Variants in GRID2 observed in about 807,000 individuals in gnomAD.
GRID2 encodes glutamate receptor ionotropic, delta-2.
Under a neutral mutation model 114.8 loss-of-function variants are expected in GRID2, and 33 were observed. The ratio of observed to expected loss-of-function variants is 0.29; its 90% CI spans 0.22 to 0.38. GRID2 has a LOEUF of 0.38. Ranked by LOEUF, GRID2 falls within the 10% of genes least tolerant of loss-of-function variation. The probability of loss-of-function intolerance (pLI) is 1.00; values close to 1 mark genes in which losing one functional copy is unlikely to be tolerated. For missense variants in GRID2, 1,184 were observed against 1,257.7 expected, an observed-to-expected ratio of 0.94 and a Z score of 0.89; for synonymous variants, 505 against 449.9, an observed-to-expected ratio of 1.12 and a Z score of -1.55.
intron 5 of GRID2, among the ~76,000 whole-genome samples, chr4:93,212,295 G>C (rs980259684): frequency 1.3e-5 from 2 of 152,066 alleles, no homozygotes; most frequent in Non-Finnish European, 2.9e-5. Context: ...AATCAAAGTT[G>C]GCATTGTGCA....
At chr4:92,957,630 A>C (rs1375808502) in intron 2 of GRID2, among the ~76,000 whole-genome samples, 1 of 151,850 alleles carries the variant, frequency 6.6e-6, no homozygotes, top group Non-Finnish European at 1.5e-5. Flanking sequence ...TGTGCTAGCT[A>C]TACTGAATAT....
intron 1 of GRID2, among the ~76,000 whole-genome samples, chr4:93,792,365 C>T (rs1038710226): frequency 2.0e-5 from 3 of 152,086 alleles, no homozygotes; most frequent in African/African-American, 7.2e-5. Context: ...CACACCTAGC[C>T]CTCTCTTATG....
chr4:93,585,344 A>G (rs1445941036), intron 13 of GRID2, among the ~76,000 whole-genome samples: 1 of 152,122 alleles, frequency 6.6e-6, no homozygotes, highest in Admixed American at 6.6e-5. Context: ...AGCAAGTGGA[A>G]AGTTTGCTCA....
intron 8 of GRID2, among the ~76,000 whole-genome samples, chr4:93,255,465 A>T (rs1372710119): frequency 6.6e-6 from 1 of 152,020 alleles, no homozygotes; most frequent in African/African-American, 2.4e-5. Context: ...TGTGTTTGCT[A>T]TGATGTGGAT....
chr4:92,994,947 G>A (rs1244295898), intron 2 of GRID2, among the ~76,000 whole-genome samples: 1 of 152,236 alleles, frequency 6.6e-6, no homozygotes, highest in East Asian at 1.9e-4. Flanking sequence ...CACAGTGGGA[G>A]TATTTACACT....
At chr4:92,659,907 G>T (rs986651513) in intron 2 of GRID2, among the ~76,000 whole-genome samples, 4 of 151,308 alleles carry the variant, frequency 2.6e-5, no homozygotes, top group Non-Finnish European at 5.9e-5. Context: ...CTCGGATAAC[G>T]TGCAATAAAA....
intron 8 of GRID2, among the ~76,000 whole-genome samples, chr4:93,288,432 G>T (rs1245904174): frequency 6.6e-6 from 1 of 152,070 alleles, no homozygotes; most frequent in Admixed American, 6.5e-5. Flanking sequence ...TGCACTTCCT[G>T]GGGCATTCAT....
chr4:93,029,670 G>A (rs1203452543), intron 2 of GRID2, among the ~76,000 whole-genome samples: 2 of 151,944 alleles, frequency 1.3e-5, no homozygotes, highest in African/African-American at 4.8e-5. Flanking sequence ...GCTATTATTA[G>A]AGTAATAGTA....
intron 13 of GRID2, among the ~76,000 whole-genome samples, chr4:93,618,143 C>T (rs1263735487): frequency 2.0e-5 from 3 of 152,078 alleles, no homozygotes; most frequent in Non-Finnish European, 2.9e-5. Flanking sequence ...TGAGCATTTC[C>T]GTCAATTCAT....
In GRID2 at chr4:93,238,957, G is replaced by T. The variant is rs1024782700; in HGVS notation, c.1245+467G>T. On this transcript the variant is annotated intron_variant, in intron 8 of 15. Transcript: ENST00000282020. ...TCATGTAATATGTAGAAAATAGTTT[G>T]CAGAAAATGAACTCTTGTTGGATAC... Among the ~76,000 whole-genome samples the T allele has an allele frequency of 3.3e-5, 5 of 151,112 alleles. No homozygotes were observed. The East Asian group carries it at 9.7e-4, about 29-fold the overall frequency.
intron 1 of GRID2, among the ~76,000 whole-genome samples, chr4:92,411,270 C>T (rs1731285657): frequency 6.6e-6 from 1 of 151,944 alleles, no homozygotes; most frequent in Admixed American, 6.6e-5. Context: ...ACAGAATGGA[C>T]CTTTAGAATT....
chr4:93,754,631 C>T (rs1732596606), intron 14 of GRID2, among the ~76,000 whole-genome samples: 1 of 152,164 alleles, frequency 6.6e-6, no homozygotes, highest in Admixed American at 6.5e-5. Flanking sequence ...TTTACCAATA[C>T]TCTGAGCAAT....
At chr4:93,558,219 G>T (rs1055453681) in intron 13 of GRID2, among the ~76,000 whole-genome samples, 20 of 152,012 alleles carry the variant, frequency 1.3e-4, no homozygotes, top group Admixed American at 3.9e-4. Context: ...CTAGCAGAGG[G>T]CAAGAAATAA....
At chr4:93,564,377 T>C (rs1162654064) in intron 13 of GRID2, among the ~76,000 whole-genome samples, 1 of 152,038 alleles carries the variant, frequency 6.6e-6, no homozygotes, top group Non-Finnish European at 1.5e-5. Context: ...GTTTATTCCA[T>C]AGGTTCAGTG....
chr4:93,772,587 GT>G lies in GRID2; in HGVS notation c.*92del. 1.1e-6 allele frequency: 1 copy of G among 915,990 alleles called. No homozygotes were observed. 56.7% of individuals were successfully genotyped at this position (915,990 alleles called of 1,614,324 possible). The stretch of plus-strand genomic sequence containing the variant: ...ATTGTGGGACTAACATGGATGTAAC[GT>G]TTAAAAAAAAGATCAGGATTATTAG... On this transcript the variant is annotated 3_prime_UTR_variant, in exon 16 of 16. Coordinates refer to ENST00000282020, the MANE Select transcript of GRID2 (RefSeq NM_001510.4).
At chr4:93,238,706 G>A (rs922156241) in intron 8 of GRID2, among the ~76,000 whole-genome samples, 2 of 151,490 alleles carry the variant, frequency 1.3e-5, no homozygotes, top group Non-Finnish European at 3.0e-5. Flanking sequence ...TAATGTAAAG[G>A]AAAAAAGTAA....
intron 8 of GRID2, among the ~76,000 whole-genome samples, chr4:93,270,258 A>G (rs992296930): frequency 2.8e-5 from 4 of 143,698 alleles, no homozygotes; most frequent in African/African-American, 7.8e-5. Flanking sequence ...ACACACACAC[A>G]CGAGGTTGCA....
chr4:93,452,890 CTT>C (rs879554405), intron 10 of GRID2, among the ~76,000 whole-genome samples: 1 of 144,156 alleles, frequency 6.9e-6, no homozygotes. Context: ...GGTCCTTGGC[CTT>C]TTTTTTTTTA....
intron 2 of GRID2, among the ~76,000 whole-genome samples, chr4:92,610,787 G>A (rs1189785769): frequency 6.6e-6 from 1 of 151,452 alleles, no homozygotes; most frequent in Non-Finnish European, 1.5e-5. Context: ...GCCTCTTCTG[G>A]GCATTTCATT....
Sources: allele counts gnomAD v4.1 joint callset (sites outside exome capture counted in the v4.1 genomes callset), GRCh38; gene constraint gnomAD v4.1.1; transcripts MANE v1.5; gene names NCBI Gene and HGNC (gene_info 2026-07-23, HGNC 2026-07-21).